The following NLN variants were observed in gnomAD, a reference collection of about 807,000 sequenced individuals.
NLN encodes neurolysin, mitochondrial.
A neutral mutation model predicts 79.9 loss-of-function variants in NLN; 64 were observed. The observed-to-expected ratio is 0.80, with a 90% confidence interval of 0.65 to 0.99. The LOEUF is 0.99. NLN is among the 50% of genes least tolerant of loss of function. The probability of loss-of-function intolerance (pLI) is 0.00; values close to 1 mark genes in which losing one functional copy is unlikely to be tolerated. For missense variants in NLN, 835 were observed against 858.7 expected (o/e 0.97, Z 0.34); for synonymous variants, 267 against 296.6 (o/e 0.90, Z 1.02).
At chr5:65,801,697 C>T (rs1197691867) in intron 9 of NLN, among the ~76,000 whole-genome samples, 1 of 152,190 alleles carries the variant, frequency 6.6e-6, no homozygotes, top group East Asian at 1.9e-4. Context: ...GCTGTGCTGT[C>T]TCCCCAGCTA....
intron 1 of NLN, among the ~76,000 whole-genome samples, chr5:65,729,387 T>C (rs1230747538): frequency 6.8e-6 from 1 of 147,732 alleles, no homozygotes; most frequent in African/African-American, 2.5e-5. Flanking sequence ...TTTTTTTTTT[T>C]TTTTTAGGAT....
intron 1 of NLN, among the ~76,000 whole-genome samples, chr5:65,748,450 G>A (rs1484718054): frequency 6.6e-6 from 1 of 152,008 alleles, no homozygotes; most frequent in Non-Finnish European, 1.5e-5. Flanking sequence ...AAGGTTCTTG[G>A]AGTGAAATAG....
chr5:65,811,884 A>G (rs1199815586), intron 11 of NLN, among the ~76,000 whole-genome samples: 1 of 152,206 alleles, frequency 6.6e-6, no homozygotes, highest in Non-Finnish European at 1.5e-5. Context: ...GACATTTTAG[A>G]TATAAAGAGG....
At chr5:65,758,493 A>T in intron 1 of NLN, 74 bp from the exon 2 acceptor site, 1 of 976,568 alleles carries the variant, frequency 1.0e-6, no homozygotes, top group Non-Finnish European at 1.5e-6. Flanking sequence ...ATTTAATTTT[A>T]TAATGCACAT....
At chr5:65,745,969 C>G (rs1207584360) in intron 1 of NLN, among the ~76,000 whole-genome samples, 1 of 152,130 alleles carries the variant, frequency 6.6e-6, no homozygotes, top group Non-Finnish European at 1.5e-5. Context: ...GGAAGATGAG[C>G]AATTTAATTT....
intron 1 of NLN, among the ~76,000 whole-genome samples, chr5:65,738,536 G>T (rs1758786149): frequency 6.6e-6 from 1 of 152,006 alleles, no homozygotes; most frequent in African/African-American, 2.4e-5. Flanking sequence ...TTGCGCCACT[G>T]CACTCTAGCC....
chr5:65,775,524 A>T (rs1235211161), intron 3 of NLN, among the ~76,000 whole-genome samples: 1 of 152,056 alleles, frequency 6.6e-6, no homozygotes, highest in Non-Finnish European at 1.5e-5. Context: ...CCTGCACATA[A>T]CTACAGCCTG....
chr5:65,742,146 T>A (rs1283194138), intron 1 of NLN, among the ~76,000 whole-genome samples: 3 of 152,156 alleles, frequency 2.0e-5, no homozygotes, highest in African/African-American at 7.2e-5. Flanking sequence ...TCCTTTTCAT[T>A]TATTTACAAT....
rs142995850 is a variant in NLN, at chr5:65,805,749, C to T, written c.1528-3766C>T. On this transcript the variant is annotated intron_variant, in intron 9 of 12. Transcript: ENST00000380985. The stretch of plus-strand genomic sequence containing the variant: ...TAGTTAAGATCATTGATGAATGTGG[C>T]TACACTAAATGACAGATCTTCCATG... Among the ~76,000 whole-genome samples the T allele has an allele frequency of 2.1e-3, 320 of 152,346 alleles. 1 individual carries two copies. Among genetic ancestry groups the T allele is most frequent in the African/African-American group, 7.4e-3 (307 of 41,578 alleles).
At chr5:65,809,731 AAATT>A (rs775206150) in intron 10 of NLN, 30 bp downstream of exon 10, 9 of 1,498,022 alleles carry the variant, frequency 6.0e-6, no homozygotes, top group Non-Finnish European at 1.8e-6. Flanking sequence ...AAAGGAAAAT[AAATT>A]AGAATCTCTT....
chr5:65,788,590 C>A, intron 8 of NLN, 106 bp downstream of exon 8: 1 of 1,134,094 alleles, frequency 8.8e-7, no homozygotes, highest in Non-Finnish European at 1.3e-6. Context: ...AATCCCAACA[C>A]TTTGGGAGGC....
At chr5:65,821,856 A>C (rs1428913680) in intron 12 of NLN, among the ~76,000 whole-genome samples, 1 of 152,198 alleles carries the variant, frequency 6.6e-6, no homozygotes, top group African/African-American at 2.4e-5. Flanking sequence ...TTTTCCTTAA[A>C]AGTTTGACTA....
At chr5:65,786,683 C>T (rs1298609452) in intron 7 of NLN, among the ~76,000 whole-genome samples, 3 of 152,018 alleles carry the variant, frequency 2.0e-5, no homozygotes, top group African/African-American at 4.8e-5. Flanking sequence ...AAAGAGACCC[C>T]AACCCTGTCT....
Position 65,786,021 on chromosome 5 carries a change from G to A in NLN, c.958+111G>A, listed in dbSNP as rs970842647. ...GACATCCTACTTTTCCTTCATTTGAGAGAAGTATATTGATCACCTATTAAG... is the reference window on the plus strand; with the variant it reads ...GACATCCTACTTTTCCTTCATTTGAAAGAAGTATATTGATCACCTATTAAG... On this transcript the variant is annotated intron_variant, in intron 7 of 12. Coordinates refer to ENST00000380985, the MANE Select transcript of NLN (RefSeq NM_020726.5). 96 of 953,404 alleles carry A rather than the reference G, an allele frequency of 1.0e-4. No individual in the cohort carries two copies. In the Admixed American group the frequency reaches 1.2e-3, roughly 12 times the overall value. The allele number at this position is 953,404 out of a possible 1,614,324, so 59.1% of individuals were successfully genotyped here.
intron 3 of NLN, among the ~76,000 whole-genome samples, chr5:65,776,333 T>A (rs770782160): frequency 2.6e-5 from 4 of 152,222 alleles, no homozygotes; most frequent in Non-Finnish European, 5.9e-5. Flanking sequence ...AATACAACTC[T>A]GTTACCTGCT....
At chr5:65,722,490 C>T in intron 1 of NLN, 76 bp downstream of exon 1, 2 of 1,316,454 alleles carry the variant, frequency 1.5e-6, no homozygotes, top group Non-Finnish European at 2.1e-6. Flanking sequence ...GGAGCCCGGA[C>T]CCACCCCTTC....
intron 12 of NLN, chr5:65,818,652 G>T (rs1011282887): frequency 4.6e-5 from 7 of 152,260 alleles, no homozygotes; most frequent in Admixed American, 1.3e-4. Context: ...GAAAACAAAG[G>T]GTGTGCTCTT....
Position 65,810,136 on chromosome 5 carries a change from C to G in NLN, c.1814C>G (p.Ser605Ter). The stretch of plus-strand genomic sequence containing the variant: ...GCAAGTGAATATGCCAAATACTGCT[C>G]AGAAATATTAGGAGTTGCAGCTACT... ...DAASEYAKYCSEILGVAATPG... is the reference protein window; with the variant it reads ...DAASEYAKYC The change falls in exon 11 of 13, where the codon TCA (serine) becomes TGA (stop). Residue 605 changes from serine to a stop codon, truncating the protein, a stop_gained. Coordinates refer to ENST00000380985, the MANE Select transcript of NLN (RefSeq NM_020726.5). LOFTEE classifies it high-confidence loss of function. The G allele has an allele frequency of 6.2e-7, 1 of 1,613,826 alleles. No homozygotes were observed. The highest frequency in any genetic ancestry group is 1.7e-5 in the Admixed American group (1 of 60,010).
intron 9 of NLN, among the ~76,000 whole-genome samples, chr5:65,797,870 C>A (rs1760204105): frequency 6.6e-6 from 1 of 152,158 alleles, no homozygotes. Flanking sequence ...GAGTGAAGAT[C>A]TGTGGAAGGT....
Sources: allele counts gnomAD v4.1 joint callset (sites outside exome capture counted in the v4.1 genomes callset), GRCh38; gene constraint gnomAD v4.1.1; transcripts MANE v1.5; gene names NCBI Gene and HGNC (gene_info 2026-07-23, HGNC 2026-07-21).